Variants in REXO5 observed in about 807,000 individuals in gnomAD.
The protein encoded by REXO5 is RNA exonuclease 5, also known as exonuclease NEF-sp.
Under a neutral mutation model 88.5 loss-of-function variants are expected in REXO5, and 48 were observed. The ratio of observed to expected loss-of-function variants is 0.54; its 90% CI spans 0.43 to 0.69. The LOEUF is 0.69. Ranked by LOEUF, REXO5 falls within the 30% of genes least tolerant of loss-of-function variation. The pLI is 0.00. For missense variants in REXO5, 749 were observed against 912.2 expected, an observed-to-expected ratio of 0.82 and a Z score of 2.30; for synonymous variants, 311 against 336.5, an observed-to-expected ratio of 0.92 and a Z score of 0.83.
Position 20,832,242 on chromosome 16 carries a change from T to C in REXO5, c.1245T>C (p.Leu415=). The C allele has an allele frequency of 6.2e-7, 1 of 1,609,270 alleles. No homozygotes were observed. The highest frequency in any genetic ancestry group is 8.5e-7 in the Non-Finnish European group (1 of 1,176,950). The part of the protein sequence containing the change: ...GQEPKNTAEV[L]QHPNTSVLEC... ...AGCCTAAAAACACAGCAGAAGTACT[T>C]CAGCACCCAAACACAAGGTAATATT... is the stretch of plus-strand genomic sequence containing the variant. Residue 415 remains leucine, a synonymous_variant, in exon 12 of 20, where the codon CTT becomes CTC. Coordinates refer to ENST00000261377, the MANE Select transcript of REXO5 (RefSeq NM_030941.3).
chr16:20,821,627 G>A (rs2081187198), intron 5 of REXO5, 135 bp from the exon 6 acceptor site: 1 of 690,438 alleles, frequency 1.4e-6, no homozygotes, highest in African/African-American at 1.8e-5. Flanking sequence ...TAGATTGCAA[G>A]CCCCTAAATG....
intron 8 of REXO5, among the ~76,000 whole-genome samples, chr16:20,826,288 T>C (rs913457776): frequency 6.6e-6 from 1 of 152,136 alleles, no homozygotes; most frequent in Admixed American, 6.6e-5. Flanking sequence ...AAGTCATCAT[T>C]TGGCAGTCAA....
chr16:20,839,391 A>T (rs2081490232), intron 13 of REXO5, among the ~76,000 whole-genome samples: 2 of 150,944 alleles, frequency 1.3e-5, no homozygotes, highest in Non-Finnish European at 3.0e-5. Flanking sequence ...TTTTAACCAA[A>T]TCTATTAAGC....
At chr16:20,809,909 CT>C (rs1330482667) in intron 2 of REXO5, among the ~76,000 whole-genome samples, 1 of 152,186 alleles carries the variant, frequency 6.6e-6, no homozygotes, top group Non-Finnish European at 1.5e-5. Context: ...TATGCATTTA[CT>C]TTTTTATCAG....
At chr16:20,840,716 C>G (rs2081514043) in intron 15 of REXO5, among the ~76,000 whole-genome samples, 1 of 151,938 alleles carries the variant, frequency 6.6e-6, no homozygotes, top group African/African-American at 2.4e-5. Flanking sequence ...ACCTGTAATC[C>G]CAGCACTTTG....
intron 13 of REXO5, among the ~76,000 whole-genome samples, chr16:20,838,047 A>C (rs1399174315): frequency 6.6e-6 from 1 of 152,182 alleles, no homozygotes; most frequent in Non-Finnish European, 1.5e-5. Flanking sequence ...GATCACAAGC[A>C]TGAGCCACCG....
At position 20,827,189 on chromosome 16, in the gene REXO5, C is replaced by T. The variant is rs1351230077; in HGVS notation, c.953C>T (p.Ala318Val). The T allele has an allele frequency of 1.9e-6, 3 of 1,614,112 alleles. No individual in the cohort carries two copies. In the East Asian group the frequency reaches 6.7e-5, roughly 36 times the overall value. The part of the protein sequence containing the change: ...VGHSLDLDLR[A>V]LKMIHPYVID... ...CACTCCTTAGATTTGGATCTCAGAGCACTGAAAGTGAGTATCTGATTTAGG... is the reference window on the plus strand; with the variant it reads ...CACTCCTTAGATTTGGATCTCAGAGTACTGAAAGTGAGTATCTGATTTAGG... Residue 318 changes from alanine (A) to valine (V), a missense_variant, in exon 9 of 20, where the codon GCA becomes GTA. Transcript: ENST00000261377.
rs1332454738 is a variant in REXO5, at chr16:20,844,671, C to T, written c.1762C>T (p.Leu588Phe). The T allele has an allele frequency of 5.6e-6, 9 of 1,614,182 alleles. No individual in the cohort carries two copies. The Admixed American group carries it at 1.5e-4, about 27-fold the overall frequency. ...AGAGCTCACGCTTGATTGTGACACC[C>T]TCGTGAATGAGCTGGAAGGAGATTC... ...VTELTLDCDTLVNELEGDSEN... is the reference protein window; with the variant it reads ...VTELTLDCDTFVNELEGDSEN... The change falls in exon 17 of 20, where the codon CTC becomes TTC. Residue 588 changes from leucine to phenylalanine, a missense_variant. Transcript: ENST00000261377.
chr16:20,849,620 A>C lies in REXO5; in HGVS notation c.*140A>C. On this transcript the variant is annotated 3_prime_UTR_variant, in exon 20 of 20. Transcript: ENST00000261377. The stretch of plus-strand genomic sequence containing the variant: ...GCAGCTAAAAGAGTTTAGTTTGTTT[A>C]TATGGCATGTATAAGTTTTCAATAA... The C allele has an allele frequency of 1.5e-6, 1 of 683,488 alleles. No homozygotes were observed. Among genetic ancestry groups the C allele is most frequent in the Non-Finnish European group, 2.6e-6 (1 of 390,072 alleles). The allele number at this position is 683,488 out of a possible 1,614,324, so 42.3% of individuals were successfully genotyped here. A position where few individuals can be genotyped will look rare whatever the true frequency, so the allele number is the denominator to read the frequency against.
chr16:20,846,375 TC>T, intron 19 of REXO5, 36 bp downstream of exon 19: 1 of 1,496,984 alleles, frequency 6.7e-7, no homozygotes, highest in Non-Finnish European at 9.3e-7. Context: ...CAGGACTCTG[TC>T]CCCTGGATTT....
intron 6 of REXO5, among the ~76,000 whole-genome samples, chr16:20,822,981 C>T (rs570155677): frequency 3.9e-5 from 6 of 152,280 alleles, no homozygotes; most frequent in African/African-American, 7.2e-5. Context: ...TGAAAGCTGC[C>T]GTACCATTTT....
intron 5 of REXO5, among the ~76,000 whole-genome samples, chr16:20,818,946 G>A (rs945746726): frequency 2.6e-5 from 4 of 152,120 alleles, no homozygotes; most frequent in Non-Finnish European, 5.9e-5. Context: ...CAACCCCTCT[G>A]ACAACCCCAA....
chr16:20,827,568 T>C (rs754476206), intron 10 of REXO5, 121 bp downstream of exon 10: 3 of 705,384 alleles, frequency 4.3e-6, no homozygotes, highest in Non-Finnish European at 7.1e-6. Flanking sequence ...TTAAACATGT[T>C]TTTTTGCATT....
At chr16:20,825,483 A>T (rs2081247135) in intron 7 of REXO5, 1 of 169,728 alleles carries the variant, frequency 5.9e-6, no homozygotes, top group Non-Finnish European at 1.3e-5. Flanking sequence ...TAAAATTCTT[A>T]GTACAGCACT....
intron 6 of REXO5, chr16:20,823,388 T>G (rs1469715282): frequency 6.6e-6 from 1 of 152,214 alleles, no homozygotes; most frequent in Non-Finnish European, 1.5e-5. Flanking sequence ...ATGAACTAAA[T>G]TTTAACTCCA....
chr16:20,807,177 T>A, intron 2 of REXO5, 86 bp downstream of exon 2: 1 of 1,482,188 alleles, frequency 6.7e-7, no homozygotes, highest in East Asian at 2.4e-5. Context: ...GGCACTGGAT[T>A]CGGGCGGGCT....
chr16:20,844,902 A>G, intron 17 of REXO5, 57 bp downstream of exon 17: 1 of 1,562,390 alleles, frequency 6.4e-7, no homozygotes, highest in Non-Finnish European at 8.8e-7. Context: ...TGGTGATAAC[A>G]TGAGGTCAGA....
chr16:20,813,211 T>G lies in REXO5; in HGVS notation c.160T>G (p.Leu54Val). ...EAKKARLSTILFTDNCEVTHD... is the reference protein window; with the variant it reads ...EAKKARLSTIVFTDNCEVTHD... Reference sequence around the variant, plus strand: ...GCAGAAAGCCCGCTTATCTACCATTTTATTTACTGACAACTGTGAAGTAAC... The same window carrying G: ...GCAGAAAGCCCGCTTATCTACCATTGTATTTACTGACAACTGTGAAGTAAC... The change falls in exon 3 of 20, where the codon TTA (leucine) becomes GTA (valine). Residue 54 changes from leucine (L) to valine (V), a missense_variant. Transcript: ENST00000261377. 6.2e-7 allele frequency: 1 copy of G among 1,613,728 alleles called. No homozygotes were observed. The highest frequency in any genetic ancestry group is 1.1e-5 in the South Asian group (1 of 91,068).
intron 3 of REXO5, among the ~76,000 whole-genome samples, chr16:20,813,774 A>G (rs1486696586): frequency 6.6e-6 from 1 of 152,228 alleles, no homozygotes; most frequent in Admixed American, 6.5e-5. Flanking sequence ...AAAGGCAAAG[A>G]GAGCCCCGGC....
Sources: gnomAD v4.1 joint callset for allele counts (sites outside exome capture counted in the v4.1 genomes callset) on GRCh38, gnomAD v4.1.1 for gene constraint, MANE v1.5 for transcripts, NCBI Gene and HGNC (gene_info 2026-07-23, HGNC 2026-07-21) for gene names.